DPYSL2: variants seen among roughly 807,000 people sequenced by gnomAD.
DPYSL2 encodes dihydropyrimidinase-related protein 2.
A neutral mutation model predicts 69.9 loss-of-function variants in DPYSL2; 13 were observed. The ratio of observed to expected loss-of-function variants is 0.19; its 90% CI spans 0.12 to 0.30. DPYSL2 has a LOEUF of 0.30. Ranked by LOEUF, DPYSL2 falls within the 10% of genes least tolerant of loss-of-function variation. The pLI, the probability that DPYSL2 is intolerant of heterozygous loss-of-function variation, is 1.00. For missense variants in DPYSL2, 587 were observed against 918.9 expected (o/e 0.64, Z 4.67); for synonymous variants, 326 against 359.1 (o/e 0.91, Z 1.04).
chr8:26,550,506 A>G (rs1373464464), intron 1 of DPYSL2, among the ~76,000 whole-genome samples: 1 of 152,232 alleles, frequency 6.6e-6, no homozygotes, highest in Non-Finnish European at 1.5e-5. Flanking sequence ...GTCAGAGTGA[A>G]TTAAAGCAAA....
chr8:26,536,194 C>A (rs1283927780), intron 1 of DPYSL2, among the ~76,000 whole-genome samples: 2 of 151,344 alleles, frequency 1.3e-5, no homozygotes, highest in Admixed American at 1.3e-4. Flanking sequence ...CCTGCCTCGA[C>A]CTCCCAAAGT....
In DPYSL2 at chr8:26,643,294, C is replaced by T. The variant is rs1021287744; in HGVS notation, c.1127-145C>T. 17 of 838,650 alleles carry T rather than the reference C, an allele frequency of 2.0e-5. No individual in the cohort carries two copies. In the South Asian group the frequency reaches 3.1e-4, roughly 15 times the overall value. 52.0% of individuals were successfully genotyped at this position (838,650 alleles called of 1,614,324 possible). On this transcript the variant is annotated intron_variant, in intron 8 of 13. Coordinates refer to ENST00000521913, the MANE Select transcript of DPYSL2 (RefSeq NM_001197293.3). The surrounding 1 kb of genome is among the most constrained non-coding windows in gnomAD (Gnocchi z 6.5). ...ACTGAATTTCTCCAAGTCTCAGTTT[C>T]CTCATCTGCGAGATGAGCCTGATAT...
chr8:26,650,553 A>C lies in DPYSL2; in HGVS notation c.1597-1704A>C, dbSNP rs1803260056. Among the ~76,000 whole-genome samples the C allele has an allele frequency of 6.6e-6, 1 of 152,216 alleles. No homozygotes were observed. Among genetic ancestry groups the C allele is most frequent in the Non-Finnish European group, 1.5e-5 (1 of 68,042 alleles). On this transcript the variant is annotated intron_variant, in intron 11 of 13. Transcript: ENST00000521913. This position sits in a 1 kb window ranked among gnomAD's most constrained non-coding sequence, Gnocchi z 5.3. ...GACAGGATTAAAGCAATCTCCCCAG[A>C]GTCACACAACTTCTGGATTTTACCG...
At position 26,619,887 on chromosome 8, in the gene DPYSL2, A is replaced by G. The variant is rs547014651; in HGVS notation, c.629-4256A>G. On this transcript the variant is annotated intron_variant, in intron 3 of 13. Coordinates refer to ENST00000521913, the MANE Select transcript of DPYSL2 (RefSeq NM_001197293.3). The surrounding 1 kb of genome is among the most constrained non-coding windows in gnomAD (Gnocchi z 4.8). ...TGTGTTTTAAGGAACACTGGAGATC[A>G]TTACTGTGCACCCTGAAGTCTGAGG... is the stretch of plus-strand genomic sequence containing the variant. The G allele has an allele frequency of 3.3e-5, 5 of 152,368 alleles. No individual in the cohort carries two copies. The highest frequency in any genetic ancestry group is 9.6e-5 in the African/African-American group (4 of 41,576). 9.4% of individuals were successfully genotyped at this position (152,368 alleles called of 1,614,324 possible).
rs370892777 is a variant in DPYSL2, at chr8:26,642,485, G to T, written c.1127-954G>T. ...GATTATATTATAGTGGATCACTCTG[G>T]AAGTGTCATGCGGAATGAATGGAGA... is the stretch of plus-strand genomic sequence containing the variant. On this transcript the variant is annotated intron_variant, in intron 8 of 13. Transcript: ENST00000521913. This position sits in a 1 kb window ranked among gnomAD's most constrained non-coding sequence, Gnocchi z 5.3. Among the ~76,000 whole-genome samples the T allele has an allele frequency of 1.2e-4, 18 of 152,316 alleles. No individual in the cohort carries two copies. The highest frequency in any genetic ancestry group is 5.8e-4 in the East Asian group (3 of 5,184).
chr8:26,593,397 G>C lies in DPYSL2; in HGVS notation c.628+9414G>C, dbSNP rs1341704158. 6.6e-6 allele frequency among the ~76,000 whole-genome samples: 1 copy of C among 152,180 alleles called. No homozygotes were observed. Among genetic ancestry groups the C allele is most frequent in the Non-Finnish European group, 1.5e-5 (1 of 68,038 alleles). ...TTAAGAATCATGGATCCCAGTGCTT[G>C]TTCTGATAGTTGGACTTCTGTTGAA... On this transcript the variant is annotated intron_variant, in intron 3 of 13. Coordinates refer to ENST00000521913, the MANE Select transcript of DPYSL2 (RefSeq NM_001197293.3). The surrounding 1 kb of genome is among the most constrained non-coding windows in gnomAD (Gnocchi z 5.7).
rs1162417720 is a variant in DPYSL2 at position 26,597,197 on chromosome 8, A to G, written c.628+13214A>G. On this transcript the variant is annotated intron_variant, in intron 3 of 13. Transcript: ENST00000521913. This position sits in a 1 kb window ranked among gnomAD's most constrained non-coding sequence, Gnocchi z 5.2. ...CCCTAGATCTCCCCTTGCATCCCAG[A>G]GGGGGATTTGGAGAGCAATCAAGAG... Among the ~76,000 whole-genome samples, 1 of 152,172 alleles carries G rather than the reference A, an allele frequency of 6.6e-6. No individual in the cohort carries two copies. The highest frequency in any genetic ancestry group is 1.5e-5 in the Non-Finnish European group (1 of 68,032).
At chr8:26,608,220 T>A (rs1348922076) in intron 3 of DPYSL2, among the ~76,000 whole-genome samples, 1 of 152,234 alleles carries the variant, frequency 6.6e-6, no homozygotes, top group Non-Finnish European at 1.5e-5. Flanking sequence ...ATAAAAACAT[T>A]ATGATGCTAC....
rs1052599011 is a variant in DPYSL2, at chr8:26,597,858, T to A, written c.628+13875T>A. On this transcript the variant is annotated intron_variant, in intron 3 of 13. Transcript: ENST00000521913. The surrounding 1 kb of genome is among the most constrained non-coding windows in gnomAD (Gnocchi z 5.2). ...CAGAGTTGGAATTGTGTTCTGGGTA[T>A]TGTTTTTCTCCTTTATGGAGATAAT... Among the ~76,000 whole-genome samples, 1 of 151,814 alleles carries A rather than the reference T, an allele frequency of 6.6e-6. No individual in the cohort carries two copies. Among genetic ancestry groups the A allele is most frequent in the Admixed American group, 6.6e-5 (1 of 15,214 alleles).
Position 26,654,039 on chromosome 8 carries a change from C to T in DPYSL2, c.1942+642C>T, listed in dbSNP as rs749948851. ...GGTATTTCAGGACTTCTCTTCTCTC[C>T]TACAGTATATTGTAGTTTAGCTTGT... On this transcript the variant is annotated intron_variant, in intron 13 of 13. Coordinates refer to ENST00000521913, the MANE Select transcript of DPYSL2 (RefSeq NM_001197293.3). This position sits in a 1 kb window ranked among gnomAD's most constrained non-coding sequence, Gnocchi z 5.0. 2.0e-5 allele frequency among the ~76,000 whole-genome samples: 3 copies of T among 152,160 alleles called. No individual in the cohort carries two copies.
At position 26,614,077 on chromosome 8, in the gene DPYSL2, C is replaced by T. The variant is rs1234122718; in HGVS notation, c.629-10066C>T. Among the ~76,000 whole-genome samples, 1 of 152,070 alleles carries T rather than the reference C, an allele frequency of 6.6e-6. No individual in the cohort carries two copies. The highest frequency in any genetic ancestry group is 2.4e-5 in the African/African-American group (1 of 41,382). ...TCCTGGAAATCAAGGCTGCGGTCAG[C>T]CAGATTGCACCACAGCATTCCGGCT... is the stretch of plus-strand genomic sequence containing the variant. On this transcript the variant is annotated intron_variant, in intron 3 of 13. Transcript: ENST00000521913. This position sits in a 1 kb window ranked among gnomAD's most constrained non-coding sequence, Gnocchi z 4.9.
At position 26,567,150 on chromosome 8, in the gene DPYSL2, A is replaced by C. The variant is rs1002379023; in HGVS notation, c.355-14819A>C. Reference sequence around the variant, plus strand: ...CATCCATACAAACATACATACATACATCTGCCCATCCATCCATCCATCCAT... The same window carrying C: ...CATCCATACAAACATACATACATACCTCTGCCCATCCATCCATCCATCCAT... On this transcript the variant is annotated intron_variant, in intron 1 of 13. Coordinates refer to ENST00000521913, the MANE Select transcript of DPYSL2 (RefSeq NM_001197293.3). Among the ~76,000 whole-genome samples, 4 of 147,742 alleles carry C rather than the reference A, an allele frequency of 2.7e-5. No individual in the cohort carries two copies. In the Admixed American group the frequency reaches 2.7e-4, roughly 10 times the overall value.
chr8:26,516,974 G>A lies in DPYSL2; in HGVS notation c.354+2295G>A, dbSNP rs906191843. Among the ~76,000 whole-genome samples the A allele has an allele frequency of 2.0e-5, 3 of 152,216 alleles. No individual in the cohort carries two copies. Among genetic ancestry groups the A allele is most frequent in the Non-Finnish European group, 2.9e-5 (2 of 68,040 alleles). ...GCTCAACTGGCCCACCATTTTGACT[G>A]AGTTGACTTGTCATTAGTTGGTTTT... On this transcript the variant is annotated intron_variant, in intron 1 of 13. Coordinates refer to ENST00000521913, the MANE Select transcript of DPYSL2 (RefSeq NM_001197293.3). The surrounding 1 kb of genome is among the most constrained non-coding windows in gnomAD (Gnocchi z 4.8).
At position 26,597,084 on chromosome 8, in the gene DPYSL2, TG is replaced by T. The variant is rs1801878255; in HGVS notation, c.628+13104del. 6.6e-6 allele frequency among the ~76,000 whole-genome samples: 1 copy of T among 152,182 alleles called. No individual in the cohort carries two copies. The highest frequency in any genetic ancestry group is 2.4e-5 in the African/African-American group (1 of 41,456). ...CAGATATCATACGTCTCCTACTAAG[TG>T]GGAGGCTGCACCCAGCATGGAAGAT... On this transcript the variant is annotated intron_variant, in intron 3 of 13. Coordinates refer to ENST00000521913, the MANE Select transcript of DPYSL2 (RefSeq NM_001197293.3). The surrounding 1 kb of genome is among the most constrained non-coding windows in gnomAD (Gnocchi z 5.2).
intron 1 of DPYSL2, among the ~76,000 whole-genome samples, chr8:26,566,652 A>AC (rs1441561983): frequency 6.6e-6 from 1 of 152,056 alleles, no homozygotes; most frequent in Non-Finnish European, 1.5e-5. Context: ...AAAAGAAGAC[A>AC]CCCACAGTCC....
chr8:26,577,081 C>T (rs547129842), intron 1 of DPYSL2: 11 of 432,776 alleles, frequency 2.5e-5, no homozygotes, highest in South Asian at 1.4e-4. Context: ...TGTTTCAGGG[C>T]GGGGTTTCCC....
chr8:26,601,318 G>A (rs563351174), intron 3 of DPYSL2, among the ~76,000 whole-genome samples: 26 of 152,220 alleles, frequency 1.7e-4, no homozygotes, highest in African/African-American at 5.8e-4. Flanking sequence ...ATCTGGCTCC[G>A]GGGCCAGCAC....
rs1291997446 is a variant in DPYSL2 at position 26,656,306 on chromosome 8, C to T, written c.*600C>T. On this transcript the variant is annotated 3_prime_UTR_variant, in exon 14 of 14. Coordinates refer to ENST00000521913, the MANE Select transcript of DPYSL2 (RefSeq NM_001197293.3). ...GATTCCGGGTGGTTGGCAAACTCATCGTGTCTGTCCTGAGAGGCTCCACAA... is the reference window on the plus strand; with the variant it reads ...GATTCCGGGTGGTTGGCAAACTCATTGTGTCTGTCCTGAGAGGCTCCACAA... The T allele has an allele frequency of 2.6e-5, 4 of 152,074 alleles. No homozygotes were observed. Among genetic ancestry groups the T allele is most frequent in the African/African-American group, 9.7e-5 (4 of 41,256 alleles). 9.4% of individuals were successfully genotyped at this position (152,074 alleles called of 1,614,324 possible).
chr8:26,604,976 A>G (rs73565436), intron 3 of DPYSL2, among the ~76,000 whole-genome samples: 2,520 of 152,214 alleles, frequency 0.017, 65 homozygotes, highest in African/African-American at 0.059. Flanking sequence ...TGCATTTACC[A>G]TGGGAAATTG....
Sources: gnomAD v4.1 joint callset for allele counts (sites outside exome capture counted in the v4.1 genomes callset) on GRCh38, gnomAD v4.1.1 for gene constraint, Gnocchi (gnomAD v3.1) non-coding constraint, MANE v1.5 for transcripts, NCBI Gene and HGNC (gene_info 2026-07-23, HGNC 2026-07-21) for gene names.